Variants in PSD3 observed in about 807,000 individuals in gnomAD.
PSD3 encodes PH and SEC7 domain-containing protein 3.
Under a neutral mutation model 105.5 loss-of-function variants are expected in PSD3, and 49 were observed. The ratio of observed to expected loss-of-function variants is 0.46; its 90% confidence interval spans 0.37 to 0.59. PSD3 has a LOEUF of 0.59. PSD3 is among the 20% of genes least tolerant of loss of function. The pLI, the probability that PSD3 is intolerant of heterozygous loss-of-function variation, is 0.00. For missense variants in PSD3, 1,561 were observed against 1,263.8 expected (o/e 1.24, Z -3.57); for synonymous variants, 557 against 457.8 (o/e 1.22, Z -2.77).
chr8:18,657,163 C>T (rs1356168460), intron 9 of PSD3, among the ~76,000 whole-genome samples: 2 of 152,188 alleles, frequency 1.3e-5, no homozygotes, highest in Non-Finnish European at 2.9e-5. Flanking sequence ...GTTGTCCAAG[C>T]AGCACAGCAG....
intron 15 of PSD3, among the ~76,000 whole-genome samples, chr8:18,544,170 C>CAAAAAAAAAAAAAAAAAA (rs1800309010): frequency 1.0e-4 from 1 of 9,616 alleles, no homozygotes; most frequent in South Asian, 6.7e-3. Flanking sequence ...AAGAAACAAA[C>CAAAAAAAAAAAAAAAAAA]CAAAAAAAAA....
chr8:18,729,945 A>G (rs551696472), intron 9 of PSD3, among the ~76,000 whole-genome samples: 50 of 152,330 alleles, frequency 3.3e-4, no homozygotes, highest in African/African-American at 1.1e-3. Flanking sequence ...ATTTATTTCC[A>G]TTTTAATTAG....
chr8:18,998,332 C>G (rs543787206), intron 1 of PSD3, among the ~76,000 whole-genome samples: 2 of 151,968 alleles, frequency 1.3e-5, no homozygotes, highest in Non-Finnish European at 2.9e-5. Context: ...TGCCCTGAAA[C>G]ACTCCAAGGG....
intron 2 of PSD3, among the ~76,000 whole-genome samples, chr8:18,929,648 C>T (rs1821607107): frequency 1.3e-5 from 2 of 152,222 alleles, no homozygotes; most frequent in South Asian, 4.2e-4. Flanking sequence ...AGAGCAACTC[C>T]ACCTGTCTAT....
chr8:18,594,666 G>A (rs1370846758), intron 12 of PSD3, among the ~76,000 whole-genome samples: 1 of 151,058 alleles, frequency 6.6e-6, no homozygotes, highest in Non-Finnish European at 1.5e-5. Context: ...ATTTGTTCTA[G>A]GACCCCTGAT....
intron 2 of PSD3, among the ~76,000 whole-genome samples, chr8:18,899,411 C>T (rs1030526535): frequency 2.0e-5 from 3 of 152,116 alleles, no homozygotes; most frequent in African/African-American, 4.8e-5. Flanking sequence ...GATTTCAAGG[C>T]TTTCACAGCT....
intron 11 of PSD3, among the ~76,000 whole-genome samples, chr8:18,631,134 T>G (rs537455046): frequency 2.6e-5 from 4 of 152,114 alleles, no homozygotes; most frequent in African/African-American, 4.8e-5. Context: ...GAAGCTGCAG[T>G]TGGGCAGGCA....
intron 1 of PSD3, among the ~76,000 whole-genome samples, chr8:18,947,655 T>C (rs961989103): frequency 6.6e-6 from 1 of 152,222 alleles, no homozygotes; most frequent in African/African-American, 2.4e-5. Flanking sequence ...AGCATGCCTT[T>C]AACAGGTTCA....
chr8:18,725,653 G>A (rs913267010), intron 9 of PSD3, among the ~76,000 whole-genome samples: 17 of 152,180 alleles, frequency 1.1e-4, no homozygotes, highest in Non-Finnish European at 2.2e-4. Context: ...CCACTGAAAG[G>A]AACTTTTATT....
chr8:18,601,921 A>C (rs1230840672), intron 11 of PSD3, among the ~76,000 whole-genome samples: 1 of 152,178 alleles, frequency 6.6e-6, no homozygotes, highest in Non-Finnish European at 1.5e-5. Context: ...ACTTGAAAGC[A>C]GACCAGCTGG....
rs116946749 is a variant in PSD3, at chr8:18,839,765, G to A, written c.1634+27909C>T. ...CTCCTCCAAGTATCTTACTCATCAC[G>A]CAAAGCAACACTTGGGCTTGGCTAT... is the stretch of plus-strand genomic sequence containing the variant. On this transcript the variant is annotated intron_variant, in intron 4 of 15. Transcript: ENST00000327040. 2.5e-3 allele frequency among the ~76,000 whole-genome samples: 385 copies of A among 152,188 alleles called. 6 individuals carry two copies. In the East Asian group the frequency reaches 0.052, roughly 21 times the overall value.
intron 9 of PSD3, among the ~76,000 whole-genome samples, chr8:18,761,689 T>C (rs1051933639): frequency 6.6e-6 from 1 of 152,210 alleles, no homozygotes; most frequent in Non-Finnish European, 1.5e-5. Context: ...TTAGTACCTG[T>C]AATACTTATT....
chr8:19,035,339 T>C (rs960118851), intron 1 of PSD3, among the ~76,000 whole-genome samples: 7 of 152,202 alleles, frequency 4.6e-5, no homozygotes, highest in Non-Finnish European at 8.8e-5. Flanking sequence ...AATAGTTTCG[T>C]TTAATTAGTT....
At position 18,572,007 on chromosome 8, in the gene PSD3, C is replaced by A. The variant is rs1196032180; in HGVS notation, c.2784+521G>T. On this transcript the variant is annotated intron_variant, in intron 14 of 15. Transcript: ENST00000327040. ...GAGGCTTATGTAAATACACTTGGAGCAGAGTTCTGGTATACTTTATCTTCA... is the reference window on the plus strand; with the variant it reads ...GAGGCTTATGTAAATACACTTGGAGAAGAGTTCTGGTATACTTTATCTTCA... Among the ~76,000 whole-genome samples the A allele has an allele frequency of 2.0e-5, 3 of 152,170 alleles. No homozygotes were observed. In the East Asian group the frequency reaches 5.8e-4, roughly 29 times the overall value.
intron 4 of PSD3, among the ~76,000 whole-genome samples, chr8:18,866,763 G>A (rs1324832667): frequency 1.3e-5 from 2 of 150,322 alleles, no homozygotes; most frequent in African/African-American, 2.4e-5. Context: ...TTGAAAACCT[G>A]TAATATTAAT....
At chr8:18,834,260 G>A (rs1365038401) in intron 4 of PSD3, among the ~76,000 whole-genome samples, 2 of 152,138 alleles carry the variant, frequency 1.3e-5, no homozygotes. Context: ...ATTTAATTGA[G>A]CCTTGATTAC....
chr8:18,889,143 G>C (rs548143291), intron 2 of PSD3, among the ~76,000 whole-genome samples: 1 of 152,148 alleles, frequency 6.6e-6, no homozygotes, highest in Non-Finnish European at 1.5e-5. Flanking sequence ...AAAACGTAAA[G>C]CTCAGAAATA....
At position 18,991,899 on chromosome 8, in the gene PSD3, G is replaced by A. The variant is rs565104594; in HGVS notation, c.21+21664C>T. ...ATGGGGCTGAGCATTTCACAATCAC[G>A]ATTTCCCTTAAATCATTCAACCCTC... On this transcript the variant is annotated intron_variant, in intron 1 of 15. Coordinates refer to ENST00000327040, the MANE Select transcript of PSD3 (RefSeq NM_015310.4). Among the ~76,000 whole-genome samples, 155 of 152,156 alleles carry A rather than the reference G, an allele frequency of 1.0e-3. 5 individuals carry two copies. In the South Asian group the frequency reaches 0.031, roughly 30 times the overall value.
intron 4 of PSD3, among the ~76,000 whole-genome samples, chr8:18,848,827 T>C (rs924047459): frequency 6.6e-5 from 10 of 152,238 alleles, no homozygotes; most frequent in African/African-American, 1.4e-4. Flanking sequence ...AGGTTGTTTA[T>C]TGTCATACAA....
Sources: allele counts gnomAD v4.1 joint callset (sites outside exome capture counted in the v4.1 genomes callset), GRCh38; gene constraint gnomAD v4.1.1; transcripts MANE v1.5; gene names NCBI Gene and HGNC (gene_info 2026-07-23, HGNC 2026-07-21).